Variants in ATF6 observed in about 807,000 individuals in gnomAD.
The protein encoded by ATF6 is activating transcription factor 6.
In ATF6, 53 loss-of-function variants were observed where a neutral mutation model predicts 83.6. That is an observed-to-expected ratio of 0.63 (90% CI 0.51 to 0.80). The LOEUF is 0.80. ATF6 is among the 30% of genes least tolerant of loss of function. The pLI, the probability that ATF6 is intolerant of heterozygous loss-of-function variation, is 0.00. For synonymous variants in ATF6, 288 were observed against 285.8 expected (o/e 1.01, Z -0.08); for missense variants, 744 against 797.9 (o/e 0.93, Z 0.81).
At chr1:161,811,691 A>G (rs1026187629) in intron 7 of ATF6, among the ~76,000 whole-genome samples, 2 of 149,506 alleles carry the variant, frequency 1.3e-5, no homozygotes, top group African/African-American at 5.0e-5. Flanking sequence ...TCCATCCACT[A>G]TCCATCCATC....
chr1:161,813,009 T>C (rs1685513166), intron 7 of ATF6, among the ~76,000 whole-genome samples: 1 of 152,138 alleles, frequency 6.6e-6, no homozygotes, highest in Non-Finnish European at 1.5e-5. Context: ...GCTCCATTAA[T>C]AGAGCCTTTA....
intron 6 of ATF6, among the ~76,000 whole-genome samples, chr1:161,796,993 T>C (rs991543073): frequency 6.6e-6 from 1 of 152,186 alleles, no homozygotes; most frequent in African/African-American, 2.4e-5. Context: ...CTTATTGTTA[T>C]TAAAACCTAA....
intron 7 of ATF6, among the ~76,000 whole-genome samples, chr1:161,806,499 T>C (rs1175750263): frequency 6.6e-6 from 1 of 152,098 alleles, no homozygotes; most frequent in East Asian, 1.9e-4. Context: ...TGGAAATCAG[T>C]AGGTGGGAAT....
At chr1:161,798,388 C>A (rs1275202039) in intron 6 of ATF6, among the ~76,000 whole-genome samples, 1 of 152,084 alleles carries the variant, frequency 6.6e-6, no homozygotes, top group Non-Finnish European at 1.5e-5. Context: ...CTGAGGGGTG[C>A]ATCACTTGAG....
At position 161,963,205 on chromosome 1, in the gene ATF6, C is replaced by A. The variant is rs558862495; in HGVS notation, c.*4551C>A. 4 of 152,298 alleles carry A rather than the reference C, an allele frequency of 2.6e-5. No individual in the cohort carries two copies. In the South Asian group the frequency reaches 8.3e-4, roughly 32 times the overall value. The allele number at this position is 152,298 out of a possible 1,614,324, so 9.4% of individuals were successfully genotyped here. A position where few individuals can be genotyped will look rare whatever the true frequency, so the allele number is the denominator to read the frequency against. Reference sequence around the variant, plus strand: ...AAAGTAAAGTGTGTTCTGTTCTTATCTTTTTAATGACTAAGCTTTAAACAG... The same window carrying A: ...AAAGTAAAGTGTGTTCTGTTCTTATATTTTTAATGACTAAGCTTTAAACAG... On this transcript the variant is annotated 3_prime_UTR_variant, in exon 16 of 16. Transcript: ENST00000367942.
chr1:161,863,724 G>T (rs969116005), intron 14 of ATF6, among the ~76,000 whole-genome samples: 1 of 152,146 alleles, frequency 6.6e-6, no homozygotes, highest in Non-Finnish European at 1.5e-5. Context: ...ATGGATCATG[G>T]GCTGATTATT....
chr1:161,902,637 A>G lies in ATF6; in HGVS notation c.1720-9659A>G, dbSNP rs374080190. The stretch of plus-strand genomic sequence containing the variant: ...GGAAAAAACTAGTTAAAAATCTATT[A>G]TAATAGCTCTCCTTTAGCTAGTTTA... On this transcript the variant is annotated intron_variant, in intron 14 of 15. Coordinates refer to ENST00000367942, the MANE Select transcript of ATF6 (RefSeq NM_007348.4). 1.1e-4 allele frequency among the ~76,000 whole-genome samples: 16 copies of G among 152,360 alleles called. No homozygotes were observed. In the South Asian group the frequency reaches 3.3e-3, roughly 32 times the overall value.
At chr1:161,932,939 A>C (rs750358739) in intron 15 of ATF6, among the ~76,000 whole-genome samples, 4 of 152,180 alleles carry the variant, frequency 2.6e-5, no homozygotes, top group Non-Finnish European at 5.9e-5. Flanking sequence ...GCGCCTCTCT[A>C]TGAGACAGCA....
intron 14 of ATF6, among the ~76,000 whole-genome samples, chr1:161,898,707 C>T (rs980501919): frequency 6.6e-6 from 1 of 152,142 alleles, no homozygotes; most frequent in East Asian, 1.9e-4. Context: ...GCCACCACGC[C>T]CAGCTAATTT....
At chr1:161,800,744 A>G (rs914802044) in intron 6 of ATF6, among the ~76,000 whole-genome samples, 1 of 152,220 alleles carries the variant, frequency 6.6e-6, no homozygotes, top group African/African-American at 2.4e-5. Flanking sequence ...AAGAAACATC[A>G]GAAGCAGTTG....
At position 161,958,637 on chromosome 1, in the gene ATF6, C is replaced by A. The variant is rs1172518255; in HGVS notation, c.1996C>A (p.Pro666Thr). The A allele has an allele frequency of 6.2e-7, 1 of 1,612,626 alleles. No homozygotes were observed. Among genetic ancestry groups the A allele is most frequent in the Non-Finnish European group, 8.5e-7 (1 of 1,179,340 alleles). ...TEATHVVSTI[P>T]ESLQ Reference sequence around the variant, plus strand: ...GGCAACCCACGTTGTCAGCACCATCCCTGAGTCATTACAATAGCACCCTGC... The same window carrying A: ...GGCAACCCACGTTGTCAGCACCATCACTGAGTCATTACAATAGCACCCTGC... The change falls in exon 16 of 16, where the codon CCT (proline) becomes ACT (threonine). Residue 666 changes from proline (P) to threonine (T), a missense_variant. Transcript: ENST00000367942.
At chr1:161,922,834 CAG>C (rs549066534) in intron 15 of ATF6, among the ~76,000 whole-genome samples, 103 of 152,020 alleles carry the variant, frequency 6.8e-4, no homozygotes, top group African/African-American at 2.3e-3. Flanking sequence ...GGAAGGTAAA[CAG>C]GGGCCACATC....
chr1:161,842,365 T>G (rs950952907), intron 9 of ATF6, among the ~76,000 whole-genome samples: 6 of 152,200 alleles, frequency 3.9e-5, no homozygotes, highest in Non-Finnish European at 7.3e-5. Context: ...ACTACTGGGT[T>G]TCTACCCAGA....
Position 161,802,225 on chromosome 1 carries a change from G to A in ATF6, c.862G>A (p.Val288Met), listed in dbSNP as rs868465685. 1.3e-5 allele frequency: 21 copies of A among 1,613,890 alleles called. No individual in the cohort carries two copies. Among genetic ancestry groups the A allele is most frequent in the Non-Finnish European group, 1.6e-5 (19 of 1,179,996 alleles). Residue 288 changes from valine to methionine, a missense_variant, in exon 7 of 16, where the codon GTG becomes ATG. By Grantham distance (21) the Val-to-Met change is conservative. Coordinates refer to ENST00000367942, the MANE Select transcript of ATF6 (RefSeq NM_007348.4). Reference protein sequence around the residue: ...ANSPVNGKLSVTKPVLQSTMR... With the variant: ...ANSPVNGKLSMTKPVLQSTMR... ...TAGCCCAGTGAATGGAAAACTTTCC[G>A]TGACTAAACCTGTCCTACAAAGTAC...
At chr1:161,782,439 G>A (rs1467973876) in intron 3 of ATF6, among the ~76,000 whole-genome samples, 1 of 152,160 alleles carries the variant, frequency 6.6e-6, no homozygotes, top group Admixed American at 6.5e-5. Flanking sequence ...GGCCTGATGA[G>A]GTCGGGGTTG....
chr1:161,853,805 C>T (rs746929046), intron 12 of ATF6, among the ~76,000 whole-genome samples: 1 of 152,182 alleles, frequency 6.6e-6, no homozygotes, highest in Non-Finnish European at 1.5e-5. Context: ...GGGGTTCCAT[C>T]TCAATGTTGT....
intron 8 of ATF6, among the ~76,000 whole-genome samples, chr1:161,820,244 G>A (rs1685719958): frequency 6.6e-6 from 1 of 152,156 alleles, no homozygotes; most frequent in Admixed American, 6.5e-5. Flanking sequence ...AATCTCCTCA[G>A]TTCTATTCGG....
At chr1:161,892,118 G>A (rs1253286174) in intron 14 of ATF6, 1 of 152,194 alleles carries the variant, frequency 6.6e-6, no homozygotes, top group Admixed American at 6.5e-5. Flanking sequence ...GAGGAACGGA[G>A]TTTAAAGGGA....
At chr1:161,859,827 T>G (rs1356857151) in intron 12 of ATF6, among the ~76,000 whole-genome samples, 4 of 152,186 alleles carry the variant, frequency 2.6e-5, no homozygotes. Flanking sequence ...GGATCTAGTT[T>G]CATTATGGAC....
Sources: gnomAD v4.1 joint callset for allele counts (sites outside exome capture counted in the v4.1 genomes callset) on GRCh38, gnomAD v4.1.1 for gene constraint, MANE v1.5 for transcripts, NCBI Gene and HGNC (gene_info 2026-07-23, HGNC 2026-07-21) for gene names.